Variants in DMXL2 observed in about 807,000 individuals in gnomAD.
The protein encoded by DMXL2 is Dmx like 2, also known as dmX-like protein 2.
Under a neutral mutation model 331.1 loss-of-function variants are expected in DMXL2, and 103 were observed. The ratio of observed to expected loss-of-function variants is 0.31; its 90% CI spans 0.27 to 0.37. The LOEUF is 0.37. Among genes scored for constraint, DMXL2 ranks in the 10% least tolerant of loss-of-function variants. The pLI is 1.00. For missense variants in DMXL2, 3,171 were observed against 3,642.9 expected (o/e 0.87, Z 3.33); for synonymous variants, 1,281 against 1,252.1 (o/e 1.02, Z -0.49).
chr15:51,454,774 C>T lies in DMXL2; in HGVS notation c.8604+377G>A, dbSNP rs375227526. On this transcript the variant is annotated intron_variant, in intron 40 of 43. Transcript: ENST00000560891. Reference sequence around the variant, plus strand: ...CCTCCCAAAGTGCTGGGATTACAGGCGTGAGCCACCGTGCCCGGCAGAACC... The same window carrying T: ...CCTCCCAAAGTGCTGGGATTACAGGTGTGAGCCACCGTGCCCGGCAGAACC... Among the ~76,000 whole-genome samples the T allele has an allele frequency of 2.0e-4, 31 of 152,132 alleles. No homozygotes were observed. The South Asian group carries it at 5.2e-3, about 25-fold the overall frequency.
At chr15:51,507,299 G>A in intron 15 of DMXL2, 46 bp from the exon 16 acceptor site, 1 of 1,539,058 alleles carries the variant, frequency 6.5e-7, no homozygotes, top group Non-Finnish European at 8.7e-7. Context: ...TGTTTTTATG[G>A]GGTTAAAAAA....
chr15:51,509,178 G>C (rs2046599550), intron 15 of DMXL2, among the ~76,000 whole-genome samples: 1 of 151,656 alleles, frequency 6.6e-6, no homozygotes, highest in South Asian at 2.1e-4. Context: ...CAAGTAAGTA[G>C]TCAGAGAAAC....
At chr15:51,579,218 T>C (rs1428508848) in intron 1 of DMXL2, among the ~76,000 whole-genome samples, 2 of 152,198 alleles carry the variant, frequency 1.3e-5, no homozygotes, top group Admixed American at 1.3e-4. Flanking sequence ...GGTGCTAGTT[T>C]CCTGTTGAAC....
intron 6 of DMXL2, among the ~76,000 whole-genome samples, chr15:51,549,935 C>G (rs1237629015): frequency 2.0e-5 from 3 of 152,004 alleles, no homozygotes; most frequent in African/African-American, 4.8e-5. Flanking sequence ...CTGACTGTTT[C>G]ATTTACTGTG....
At chr15:51,494,516 T>C (rs992714699) in intron 19 of DMXL2, among the ~76,000 whole-genome samples, 2 of 152,224 alleles carry the variant, frequency 1.3e-5, no homozygotes, top group African/African-American at 4.8e-5. Context: ...ATACGAAGGC[T>C]GATATAAATC....
chr15:51,557,558 G>T (rs2049682086), intron 6 of DMXL2, among the ~76,000 whole-genome samples: 1 of 151,984 alleles, frequency 6.6e-6, no homozygotes, highest in South Asian at 2.1e-4. Flanking sequence ...AATGCAAAGG[G>T]CCAAGAATAG....
chr15:51,550,906 T>C (rs985881280), intron 6 of DMXL2, among the ~76,000 whole-genome samples: 1 of 152,108 alleles, frequency 6.6e-6, no homozygotes, highest in Admixed American at 6.6e-5. Context: ...TTATAAAAAA[T>C]AGATCTTACC....
chr15:51,455,238 C>T lies in DMXL2; in HGVS notation c.8527-10G>A, dbSNP rs2039518210. ...CATCCGCAACACCACACTGTAAGAA[C>T]AGTATAACTACTAAACACATGTTCT... On this transcript the variant is annotated splice_polypyrimidine_tract_variant and intron_variant, in intron 39 of 43. Coordinates refer to ENST00000560891, the MANE Select transcript of DMXL2 (RefSeq NM_001378457.1). 1 of 1,611,060 alleles carries T rather than the reference C, an allele frequency of 6.2e-7. No homozygotes were observed. The highest frequency in any genetic ancestry group is 1.3e-5 in the African/African-American group (1 of 74,986).
At chr15:51,576,203 A>AAAAAAAAAAAAAAAAAAT in intron 1 of DMXL2, 22 bp from the exon 2 acceptor site, 1 of 1,373,720 alleles carries the variant, frequency 7.3e-7, no homozygotes, top group Middle Eastern at 2.0e-4. Flanking sequence ...AAAAAAAAAA[A>AAAAAAAAAAAAAAAAAAT]GTTTTACAAT....
chr15:51,535,017 C>T (rs1396366576), intron 13 of DMXL2, among the ~76,000 whole-genome samples: 7 of 152,150 alleles, frequency 4.6e-5, no homozygotes, highest in African/African-American at 1.7e-4. Flanking sequence ...AAATTAAAAG[C>T]TCCTTAAAGG....
chr15:51,472,065 T>C (rs75500958), intron 28 of DMXL2, among the ~76,000 whole-genome samples: 1,539 of 152,306 alleles, frequency 0.01, 14 homozygotes, highest in Non-Finnish European at 0.017. Flanking sequence ...CAGCCTGCAC[T>C]AATATGGTGG....
chr15:51,532,363 G>A (rs6493504), intron 13 of DMXL2, among the ~76,000 whole-genome samples: 119,287 of 152,034 alleles, frequency 0.78, 47,768 homozygotes, highest in African/African-American at 0.94. Context: ...GAGTAGAAGG[G>A]TGATTACCAG....
intron 3 of DMXL2, among the ~76,000 whole-genome samples, chr15:51,566,220 ATGTGTGTGTGGGGTGTG>A (rs974630308): frequency 1.4e-5 from 2 of 143,640 alleles, no homozygotes; most frequent in African/African-American, 5.3e-5. Flanking sequence ...TCTAAAAAAA[ATGTGTGTGTGGGGTGTG>A]TGTGTGTGTG....
chr15:51,605,517 C>CTTTTT lies in DMXL2; in HGVS notation c.87+16937_87+16941dup, dbSNP rs58113467. On this transcript the variant is annotated intron_variant, in intron 1 of 43. Transcript: ENST00000560891. The stretch of plus-strand genomic sequence containing the variant: ...GGCCCAGCCCATACAGATTAATATT[C>CTTTTT]TTTTTTTTTTTTTTTTTTTTTTTTT... Among the ~76,000 whole-genome samples the CTTTTT allele has an allele frequency of 3.1e-3, 68 of 22,226 alleles. 25 individuals carry two copies. The highest frequency in any genetic ancestry group is 6.0e-3 in the South Asian group (3 of 498). 14.6% of individuals were successfully genotyped at this position (22,226 alleles called of 152,430 possible).
In DMXL2 at chr15:51,487,975, A is replaced by G. The variant is rs1402355185; in HGVS notation, c.5196T>C (p.Gly1732=). 2 of 1,610,662 alleles carry G rather than the reference A, an allele frequency of 1.2e-6. No individual in the cohort carries two copies. Among genetic ancestry groups the G allele is most frequent in the East Asian group, 4.5e-5 (2 of 44,816 alleles). ...ATACCTCTATGGCATCTTTCAATGA[A>G]CCAGCTAGCAAGAAAAAAGCAGCCG... ...EQSAAFFLLA[G]SLKDAIEVCL... The change falls in exon 22 of 44, where the codon GGT becomes GGC. Residue 1732 remains glycine, a synonymous_variant. Transcript: ENST00000560891.
intron 13 of DMXL2, among the ~76,000 whole-genome samples, chr15:51,533,129 T>C (rs902347739): frequency 1.3e-5 from 2 of 152,116 alleles, no homozygotes; most frequent in Non-Finnish European, 2.9e-5. Context: ...AAAACATTCA[T>C]AGGACATGCA....
Position 51,536,810 on chromosome 15 carries a change from G to C in DMXL2, c.1670C>G (p.Ser557Cys). Residue 557 changes from serine (S) to cysteine (C), a missense_variant, in exon 12 of 44, where the codon TCT becomes TGT. Transcript: ENST00000560891. ...PVAFPSGDAS[S>C]LSKNIMMYAC... ...ATACATCATGATATTTTTACTAAGA[G>C]AGCTTGCATCACCAGAGGGAAATGC... 1.2e-6 allele frequency: 2 copies of C among 1,613,328 alleles called. No individual in the cohort carries two copies. The highest frequency in any genetic ancestry group is 1.7e-6 in the Non-Finnish European group (2 of 1,179,828).
At chr15:51,562,382 A>G (rs2050025597) in intron 6 of DMXL2, among the ~76,000 whole-genome samples, 1 of 152,210 alleles carries the variant, frequency 6.6e-6, no homozygotes, top group African/African-American at 2.4e-5. Context: ...ACCTTTCTTC[A>G]GGAACCTATT....
intron 18 of DMXL2, among the ~76,000 whole-genome samples, chr15:51,496,536 T>C (rs2043193053): frequency 6.6e-6 from 1 of 152,188 alleles, no homozygotes; most frequent in South Asian, 2.1e-4. Flanking sequence ...TCTTAACTTT[T>C]ATTCTAAAGT....
Sources: gnomAD v4.1 joint callset for allele counts (sites outside exome capture counted in the v4.1 genomes callset) on GRCh38, gnomAD v4.1.1 for gene constraint, MANE v1.5 for transcripts, NCBI Gene and HGNC (gene_info 2026-07-23, HGNC 2026-07-21) for gene names.